ZC3H12B: variants seen among roughly 807,000 people sequenced by gnomAD.
ZC3H12B encodes probable ribonuclease ZC3H12B.
A neutral mutation model predicts 43.9 loss-of-function variants in ZC3H12B; 7 were observed. The ratio of observed to expected loss-of-function variants is 0.16; its 90% CI spans 0.09 to 0.30. ZC3H12B has a LOEUF of 0.30. Among genes scored for constraint, ZC3H12B ranks in the 10% least tolerant of loss-of-function variants. The pLI is 1.00. For missense variants in ZC3H12B, 475 were observed against 670.2 expected (o/e 0.71, Z 3.22); for synonymous variants, 222 against 241.7 (o/e 0.92, Z 0.76).
At chrX:65,232,195 C>T in the ZC3H12B span, among the ~76,000 whole-genome samples, 42 of 110,986 alleles carry the variant, frequency 3.8e-4, no homozygotes, top group Admixed American at 3.2e-3. Context: ...GAGCTGAGAT[C>T]GCACCACTGC....
At chrX:65,132,387 A>T in the ZC3H12B span, among the ~76,000 whole-genome samples, 1 of 110,668 alleles carries the variant, frequency 9.0e-6, no homozygotes, top group South Asian at 3.9e-4. Flanking sequence ...CTGTTGTGGG[A>T]TGGGATACTG....
chrX:65,269,374 A>G, the ZC3H12B span, among the ~76,000 whole-genome samples: 8 of 110,911 alleles, frequency 7.2e-5, no homozygotes, highest in Admixed American at 1.9e-4. Flanking sequence ...ACAAAAAAAA[A>G]AAGGAAAGAA....
chrX:65,237,238 A>AGTTTGTTT, the ZC3H12B span, among the ~76,000 whole-genome samples: 6 of 109,942 alleles, frequency 5.5e-5, no homozygotes, highest in South Asian at 3.8e-4. Flanking sequence ...AGTGGTTTGT[A>AGTTTGTTT]GTTTGTTTGT....
chrX:65,303,921 C>T, the ZC3H12B span, among the ~76,000 whole-genome samples: 1 of 112,407 alleles, frequency 8.9e-6, no homozygotes, highest in Non-Finnish European at 1.9e-5. Context: ...ATCTGTAATA[C>T]TCTTGGATTA....
upstream of ZC3H12B, among the ~76,000 whole-genome samples, chrX:65,362,212 G>T (rs929386193): frequency 9.0e-6 from 1 of 111,613 alleles, no homozygotes; most frequent in African/African-American, 3.3e-5. Flanking sequence ...CGCCTCAAAA[G>T]CCTACAGACA....
the ZC3H12B span, among the ~76,000 whole-genome samples, chrX:65,253,179 C>T: frequency 8.9e-6 from 1 of 111,751 alleles, no homozygotes; most frequent in South Asian, 3.8e-4. Context: ...CAAACCAGAT[C>T]TTCAGAGAGG....
At chrX:65,092,155 T>C in the ZC3H12B span, among the ~76,000 whole-genome samples, 1 of 112,028 alleles carries the variant, frequency 8.9e-6, no homozygotes, top group Non-Finnish European at 1.9e-5. Context: ...ATTTTAAGTT[T>C]CTTGAGATTT....
At chrX:65,254,156 G>A in the ZC3H12B span, among the ~76,000 whole-genome samples, 256 of 112,248 alleles carry the variant, frequency 2.3e-3, 2 homozygotes, top group African/African-American at 7.7e-3. Context: ...CACTGCCACT[G>A]CTGCCAGCAC....
the ZC3H12B span, among the ~76,000 whole-genome samples, chrX:65,319,580 G>T: frequency 1.6e-4 from 18 of 111,357 alleles, no homozygotes; most frequent in Non-Finnish European, 3.0e-4. Flanking sequence ...TATGAAGCCA[G>T]CATTATCCTG....
At chrX:65,405,385 C>T (rs1276736005) in intron 3 of ZC3H12B, among the ~76,000 whole-genome samples, 3 of 112,242 alleles carry the variant, frequency 2.7e-5, no homozygotes, top group East Asian at 5.6e-4. Flanking sequence ...TTTGGGAGGC[C>T]GAGGCAGGCG....
the ZC3H12B span, among the ~76,000 whole-genome samples, chrX:65,074,414 C>T: frequency 9.0e-6 from 1 of 111,421 alleles, no homozygotes; most frequent in Non-Finnish European, 1.9e-5. Context: ...TTGTTTTTGA[C>T]ATTTGACAAT....
the ZC3H12B span, among the ~76,000 whole-genome samples, chrX:65,227,913 A>T: frequency 1.8e-5 from 2 of 111,628 alleles, no homozygotes; most frequent in Non-Finnish European, 3.8e-5. Flanking sequence ...CAAAAAAGAG[A>T]CCAGGACCAG....
the ZC3H12B span, among the ~76,000 whole-genome samples, chrX:65,247,250 A>G: frequency 7.5e-4 from 84 of 112,355 alleles, no homozygotes; most frequent in Admixed American, 1.2e-3. Flanking sequence ...GAGGCTGGTG[A>G]GGTTGTGGAG....
the ZC3H12B span, among the ~76,000 whole-genome samples, chrX:65,148,881 C>T: frequency 9.0e-6 from 1 of 111,506 alleles, no homozygotes; most frequent in South Asian, 3.8e-4. Flanking sequence ...AATTTTATTC[C>T]ACCATCTCCC....
chrX:65,130,359 A>G, the ZC3H12B span, among the ~76,000 whole-genome samples: 1 of 111,304 alleles, frequency 9.0e-6, no homozygotes, highest in Non-Finnish European at 1.9e-5. Flanking sequence ...AAGGGAAGAA[A>G]TGACTGTGGT....
the ZC3H12B span, among the ~76,000 whole-genome samples, chrX:65,220,193 T>C: frequency 9.0e-6 from 1 of 111,580 alleles, no homozygotes; most frequent in Non-Finnish European, 1.9e-5. Context: ...CAGAACCTGC[T>C]AAAAGGAGCT....
chrX:65,076,057 G>A, the ZC3H12B span, among the ~76,000 whole-genome samples: 1 of 111,780 alleles, frequency 8.9e-6, no homozygotes, highest in East Asian at 2.8e-4. Flanking sequence ...GTCTCCTTTG[G>A]AGGAAGGAAG....
chrX:65,353,064 C>T, the ZC3H12B span, among the ~76,000 whole-genome samples: 1 of 109,913 alleles, frequency 9.1e-6, no homozygotes, highest in Admixed American at 9.7e-5. Flanking sequence ...ACCATGTTGC[C>T]CAGGCTGGTC....
At chrX:65,419,810 G>A (rs1291187768) in intron 3 of ZC3H12B, among the ~76,000 whole-genome samples, 1 of 111,163 alleles carries the variant, frequency 9.0e-6, no homozygotes, top group African/African-American at 3.3e-5. Flanking sequence ...CCGCACTCAT[G>A]GGCCTAGGTT....
Sources: allele counts gnomAD v4.1 joint callset (sites outside exome capture counted in the v4.1 genomes callset), GRCh38; gene constraint gnomAD v4.1.1; transcripts MANE v1.5; gene names NCBI Gene and HGNC (gene_info 2026-07-23, HGNC 2026-07-21).